LZTS1: variants seen among roughly 807,000 people sequenced by gnomAD.
LZTS1 encodes the protein leucine zipper putative tumor suppressor 1.
In LZTS1, 31 loss-of-function variants were observed where a neutral mutation model predicts 45.8. The ratio of observed to expected loss-of-function variants is 0.68; its 90% confidence interval spans 0.51 to 0.91. The LOEUF (loss-of-function observed/expected upper bound fraction) is 0.91, where lower values mean the gene tolerates loss of function less well. LZTS1 is among the 40% of genes least tolerant of loss of function. LZTS1 has a pLI of 0.00. For synonymous variants in LZTS1, 359 were observed against 357.3 expected (o/e 1.00, Z -0.05); for missense variants, 821 against 788.9 (o/e 1.04, Z -0.49).
intron 1 of LZTS1, among the ~76,000 whole-genome samples, chr8:20,296,468 C>A (rs1800980778): frequency 6.6e-6 from 1 of 152,212 alleles, no homozygotes; most frequent in East Asian, 1.9e-4. Context: ...AAAGACTGCC[C>A]CAGGCATGGC....
At chr8:20,281,028 G>A (rs1014211986) in intron 1 of LZTS1, among the ~76,000 whole-genome samples, 2 of 152,234 alleles carry the variant, frequency 1.3e-5, no homozygotes, top group Non-Finnish European at 2.9e-5. Flanking sequence ...AGCAAGAACA[G>A]TTGTTCTCCC....
chr8:20,300,356 G>T (rs367917441), intron 1 of LZTS1, among the ~76,000 whole-genome samples: 1 of 151,526 alleles, frequency 6.6e-6, no homozygotes, highest in Non-Finnish European at 1.5e-5. Context: ...TTTTTGAGAC[G>T]GAGTCTCTCT....
At chr8:20,298,414 G>T (rs1801014850) in intron 1 of LZTS1, among the ~76,000 whole-genome samples, 1 of 152,122 alleles carries the variant, frequency 6.6e-6, no homozygotes, top group African/African-American at 2.4e-5. Context: ...AAATGGCAAA[G>T]GGAATCTTCT....
intron 1 of LZTS1, among the ~76,000 whole-genome samples, chr8:20,272,684 T>C (rs1039043327): frequency 3.3e-5 from 5 of 152,184 alleles, no homozygotes; most frequent in South Asian, 2.1e-4. Context: ...AGTAGAATCA[T>C]TGGGAGGAAA....
At chr8:20,286,709 C>A (rs1800798415) in intron 1 of LZTS1, among the ~76,000 whole-genome samples, 1 of 152,164 alleles carries the variant, frequency 6.6e-6, no homozygotes, top group African/African-American at 2.4e-5. Flanking sequence ...GTAAGAGTCC[C>A]AAACTCAAAA....
chr8:20,274,330 C>T (rs1800532036), intron 1 of LZTS1, among the ~76,000 whole-genome samples: 1 of 152,128 alleles, frequency 6.6e-6, no homozygotes, highest in Non-Finnish European at 1.5e-5. Context: ...GCTACCCTTT[C>T]CCAAATGCAA....
chr8:20,300,227 G>A (rs549943735), intron 1 of LZTS1, among the ~76,000 whole-genome samples: 23 of 152,340 alleles, frequency 1.5e-4, no homozygotes, highest in African/African-American at 5.5e-4. Context: ...GTTGGGAACA[G>A]TGCTCCCTGC....
chr8:20,280,860 A>G (rs137947656), intron 1 of LZTS1, among the ~76,000 whole-genome samples: 95 of 152,230 alleles, frequency 6.2e-4, no homozygotes, highest in East Asian at 2.1e-3. Flanking sequence ...AAGGCTCTCT[A>G]AAAAACCGCT....
At chr8:20,259,543 C>T (rs1358238054) in intron 1 of LZTS1, among the ~76,000 whole-genome samples, 3 of 152,158 alleles carry the variant, frequency 2.0e-5, no homozygotes. Flanking sequence ...CTAATGGGAA[C>T]CCTTCCAGTC....
intron 1 of LZTS1, among the ~76,000 whole-genome samples, chr8:20,270,829 G>T (rs1042082971): frequency 6.6e-6 from 1 of 151,580 alleles, no homozygotes; most frequent in Admixed American, 6.6e-5. Flanking sequence ...GTGTGTGTGT[G>T]TGTTTGTGTG....
chr8:20,274,573 C>A (rs1170279500), intron 1 of LZTS1, among the ~76,000 whole-genome samples: 27 of 152,116 alleles, frequency 1.8e-4, no homozygotes, highest in Admixed American at 1.0e-3. Context: ...AGTGTTAGAC[C>A]CCCCTTATGT....
At chr8:20,288,450 A>C (rs1439648834) in intron 1 of LZTS1, among the ~76,000 whole-genome samples, 2 of 152,128 alleles carry the variant, frequency 1.3e-5, no homozygotes, top group Non-Finnish European at 2.9e-5. Flanking sequence ...TTGGGCTTCC[A>C]TTCACTGCAT....
chr8:20,292,428 C>T lies in LZTS1; in HGVS notation c.-135+11312G>A, dbSNP rs78832743. On this transcript the variant is annotated intron_variant, in intron 1 of 3. Transcript: ENST00000381569. ...GGCTTAAGCTGTGCACATATGAGAG[C>T]GGCAGAGAACTTGCTTTTCAGTTTT... is the stretch of plus-strand genomic sequence containing the variant. Among the ~76,000 whole-genome samples, 129 of 152,266 alleles carry T rather than the reference C, an allele frequency of 8.5e-4. 3 individuals are homozygous for T. The highest frequency in any genetic ancestry group is 1.8e-4 in the Non-Finnish European group (12 of 68,020).
At chr8:20,285,884 T>G (rs1215302902) in intron 1 of LZTS1, among the ~76,000 whole-genome samples, 1 of 152,194 alleles carries the variant, frequency 6.6e-6, no homozygotes, top group African/African-American at 2.4e-5. Context: ...ATAAGATCAC[T>G]TGATTTATGA....
At chr8:20,276,191 T>G (rs1447917405) in intron 1 of LZTS1, among the ~76,000 whole-genome samples, 1 of 152,142 alleles carries the variant, frequency 6.6e-6, no homozygotes, top group East Asian at 1.9e-4. Flanking sequence ...AAATATATAT[T>G]TGGTCTTTGA....
In LZTS1 at chr8:20,253,058, G is replaced by A. The variant is rs761854584; in HGVS notation, c.873C>T (p.Ser291=). 10 of 1,607,012 alleles carry A rather than the reference G, an allele frequency of 6.2e-6. No homozygotes were observed. The highest frequency in any genetic ancestry group is 2.5e-6 in the Non-Finnish European group (3 of 1,178,128). Residue 291 remains serine (S), a synonymous_variant, in exon 3 of 4, where the codon TCC becomes TCT. Transcript: ENST00000381569. ...QRSFEEKELA[S]SLAYEERPRR... is the part of the protein sequence containing the mutation. ...GCGGCCGCTCCTCGTAGGCCAGGCT[G>A]GAGGCAAGCTCCTTCTCCTCAAAGC...
At chr8:20,291,278 C>T (rs752055827) in intron 1 of LZTS1, among the ~76,000 whole-genome samples, 5 of 152,136 alleles carry the variant, frequency 3.3e-5, no homozygotes, top group Admixed American at 6.5e-5. Flanking sequence ...GAGGTAGCTC[C>T]GCAGGCAGCA....
At chr8:20,258,420 T>C (rs1800155370) in intron 1 of LZTS1, among the ~76,000 whole-genome samples, 1 of 152,218 alleles carries the variant, frequency 6.6e-6, no homozygotes. Flanking sequence ...CAGTTGTGCA[T>C]GGAGACTCTG....
At chr8:20,280,979 T>A (rs1275575733) in intron 1 of LZTS1, among the ~76,000 whole-genome samples, 1 of 152,228 alleles carries the variant, frequency 6.6e-6, no homozygotes, top group African/African-American at 2.4e-5. Flanking sequence ...TTATCTGTTC[T>A]TTCAAATCAT....
Sources: allele counts gnomAD v4.1 joint callset (sites outside exome capture counted in the v4.1 genomes callset), GRCh38; gene constraint gnomAD v4.1.1; transcripts MANE v1.5; gene names NCBI Gene and HGNC (gene_info 2026-07-23, HGNC 2026-07-21).